RIPOR1: variants seen among roughly 807,000 people sequenced by gnomAD.
RIPOR1 encodes rho family-interacting cell polarization regulator 1.
RIPOR1 carries 58 observed loss-of-function variants against 116.5 expected under a neutral mutation model. That is an observed-to-expected ratio of 0.50 (90% CI 0.40 to 0.62). RIPOR1 has a LOEUF of 0.62. Ranked by LOEUF, RIPOR1 falls within the 20% of genes least tolerant of loss-of-function variation. RIPOR1 has a pLI of 0.00. For synonymous variants in RIPOR1, 605 were observed against 650.0 expected (o/e 0.93, Z 1.05); for missense variants, 1,372 against 1,586.2 (o/e 0.86, Z 2.29).
Position 67,540,228 on chromosome 16 carries a change from GCAGAGGCA to G in RIPOR1, c.567+27_567+34del, listed in dbSNP as rs2050936168. 6.2e-7 allele frequency: 1 copy of G among 1,613,756 alleles called. No individual in the cohort carries two copies. The highest frequency in any genetic ancestry group is 1.1e-5 in the South Asian group (1 of 91,084). ...GAGGTGAGGGATGGGGGCCCATGAG[GCAGAGGCA>G]CAGGGTGTGGCAGGGCTAGTGGCTG... On this transcript the variant is annotated intron_variant, in intron 7 of 21. Coordinates refer to ENST00000042381, the MANE Select transcript of RIPOR1 (RefSeq NM_024519.4). The surrounding 1 kb of genome is among the most constrained non-coding windows in gnomAD (Gnocchi z 4.7).
chr16:67,538,553 A>G lies in RIPOR1; in HGVS notation c.104+3A>G, dbSNP rs2050871341. On this transcript the variant is annotated splice_donor_region_variant and intron_variant, in intron 2 of 21. Coordinates refer to ENST00000042381, the MANE Select transcript of RIPOR1 (RefSeq NM_024519.4). ...GGCAGCCACGAGCGGGGGCCCAGGT[A>G]CGCGGCCGCGCAGGGTTGGTGGGGT... 6.2e-7 allele frequency: 1 copy of G among 1,611,532 alleles called. No individual in the cohort carries two copies. The highest frequency in any genetic ancestry group is 1.1e-5 in the South Asian group (1 of 90,974).
intron 1 of RIPOR1, among the ~76,000 whole-genome samples, chr16:67,536,350 A>G (rs965281409): frequency 1.3e-5 from 2 of 152,116 alleles, no homozygotes; most frequent in Non-Finnish European, 2.9e-5. Flanking sequence ...TGGGAGCCTG[A>G]GGCAGGAGAA....
intron 1 of RIPOR1, among the ~76,000 whole-genome samples, chr16:67,532,207 G>A (rs1329572020): frequency 6.6e-6 from 1 of 152,046 alleles, no homozygotes; most frequent in African/African-American, 2.4e-5. Context: ...CCGTGTGACT[G>A]TTAAAAATAA....
At position 67,541,572 on chromosome 16, in the gene RIPOR1, C is replaced by T. The variant is rs145682432; in HGVS notation, c.944C>T (p.Thr315Ile). Residue 315 changes from threonine (T) to isoleucine (I), a missense_variant, in exon 11 of 22, where the codon ACA (threonine) becomes ATA (isoleucine). Thr to Ile is a moderately conservative substitution (Grantham distance 89, BLOSUM62 -1). Transcript: ENST00000042381. This position sits in a 1 kb window ranked among gnomAD's most constrained non-coding sequence, Gnocchi z 4.6. Reference sequence around the variant, plus strand: ...ACCATCAAGCTCAGCCTGGAAGTCACATGGAGGTTGGTGGGGCTGAGAGGC... The same window carrying T: ...ACCATCAAGCTCAGCCTGGAAGTCATATGGAGGTTGGTGGGGCTGAGAGGC... The part of the protein sequence containing the change: ...LGTIKLSLEV[T>I]WSPFDKDDQP... 2 of 1,614,050 alleles carry T rather than the reference C, an allele frequency of 1.2e-6. No individual in the cohort carries two copies. Among genetic ancestry groups the T allele is most frequent in the Admixed American group, 3.3e-5 (2 of 60,002 alleles).
chr16:67,539,129 A>C, intron 4 of RIPOR1, 61 bp downstream of exon 4: 1 of 1,415,792 alleles, frequency 7.1e-7, no homozygotes, highest in Non-Finnish European at 9.8e-7. Flanking sequence ...GGGCAAGGGC[A>C]GCCCTGGGTG....
In RIPOR1 at chr16:67,546,665, A is replaced by T. The variant is rs371463676; in HGVS notation, c.*202A>T. 3.4e-6 allele frequency: 2 copies of T among 586,138 alleles called. No individual in the cohort carries two copies. The highest frequency in any genetic ancestry group is 2.8e-5 in the East Asian group (1 of 35,140). The allele number at this position is 586,138 out of a possible 1,614,324, so 36.3% of individuals were successfully genotyped here. ...GTGCCTCCCAGCCTCGGCTCAGCAC[A>T]TCCCTTGCCACAAATCAGTGTCTGG... is the stretch of plus-strand genomic sequence containing the variant. On this transcript the variant is annotated 3_prime_UTR_variant, in exon 22 of 22. Transcript: ENST00000042381.
intron 6 of RIPOR1, 45 bp downstream of exon 6, chr16:67,539,944 T>C: frequency 3.7e-6 from 6 of 1,613,670 alleles, no homozygotes; most frequent in South Asian, 1.1e-5. Flanking sequence ...GGGTTGGATA[T>C]CATAGGGAGA....
rs752327236 is a variant in RIPOR1 at position 67,541,911 on chromosome 16, G to A, written c.1125G>A (p.Trp375Ter). The change falls in exon 13 of 22, where the codon TGG becomes TGA. Residue 375 changes from tryptophan (W) to a stop codon, truncating the protein, a stop_gained. Coordinates refer to ENST00000042381, the MANE Select transcript of RIPOR1 (RefSeq NM_024519.4). LOFTEE classifies it high-confidence loss of function. This position sits in a 1 kb window ranked among gnomAD's most constrained non-coding sequence, Gnocchi z 4.6. ...RQEELENGTA[W>*]SLSSESSDDS... Reference sequence around the variant, plus strand: ...AGGAGCTGGAGAATGGGACAGCATGGTCCCTGTCATCTGAATCTTCAGACG... The same window carrying A: ...AGGAGCTGGAGAATGGGACAGCATGATCCCTGTCATCTGAATCTTCAGACG... 6.2e-7 allele frequency: 1 copy of A among 1,611,924 alleles called. No homozygotes were observed. Among genetic ancestry groups the A allele is most frequent in the South Asian group, 1.1e-5 (1 of 91,018 alleles).
At position 67,539,085 on chromosome 16, in the gene RIPOR1, A is replaced by G. The variant is rs756268578; in HGVS notation, c.336+17A>G. Reference sequence around the variant, plus strand: ...TCCCGCTTGGTGAGTGGCGGGAGGTACGGATGCCCTTTGCCTCTTTGGTGT... The same window carrying G: ...TCCCGCTTGGTGAGTGGCGGGAGGTGCGGATGCCCTTTGCCTCTTTGGTGT... On this transcript the variant is annotated intron_variant, in intron 4 of 21. Transcript: ENST00000042381. 1.7e-4 allele frequency: 266 copies of G among 1,607,906 alleles called. No homozygotes were observed. The highest frequency in any genetic ancestry group is 6.2e-4 in the South Asian group (56 of 90,544).
In RIPOR1 at chr16:67,543,138, G is replaced by C; in HGVS notation, c.2352G>C (p.Gly784=). The C allele has an allele frequency of 3.3e-6, 5 of 1,530,268 alleles. No homozygotes were observed. Among genetic ancestry groups the C allele is most frequent in the Non-Finnish European group, 4.4e-6 (5 of 1,140,710 alleles). 94.8% of individuals were successfully genotyped at this position (1,530,268 alleles called of 1,614,324 possible). Residue 784 remains glycine, a synonymous_variant, in exon 13 of 22, where the codon GGG becomes GGC. Coordinates refer to ENST00000042381, the MANE Select transcript of RIPOR1 (RefSeq NM_024519.4). This position sits in a 1 kb window ranked among gnomAD's most constrained non-coding sequence, Gnocchi z 4.7. ...VQTPVPTAAG[G]SGDRSLEEAL... ...CCCCAGTCCCAACGGCAGCCGGAGG[G>C]TCTGGGGACAGGAGCCTGGAGGAGG...
In RIPOR1 at chr16:67,543,926, G is replaced by C. The variant is rs2051081462; in HGVS notation, c.2601-373G>C. 2.8e-6 allele frequency: 1 copy of C among 362,596 alleles called. No individual in the cohort carries two copies. Among genetic ancestry groups the C allele is most frequent in the Non-Finnish European group, 5.1e-6 (1 of 196,016 alleles). 22.5% of individuals were successfully genotyped at this position (362,596 alleles called of 1,614,324 possible). Reference sequence around the variant, plus strand: ...AACTGTCAGTCCTGGAGTGGCCTTTGCTGGTTCCCAGTTGAGAGTTGTGCC... The same window carrying C: ...AACTGTCAGTCCTGGAGTGGCCTTTCCTGGTTCCCAGTTGAGAGTTGTGCC... On this transcript the variant is annotated intron_variant, in intron 14 of 21. Coordinates refer to ENST00000042381, the MANE Select transcript of RIPOR1 (RefSeq NM_024519.4). This position sits in a 1 kb window ranked among gnomAD's most constrained non-coding sequence, Gnocchi z 4.7.
At chr16:67,539,266 C>G in intron 4 of RIPOR1, 198 bp downstream of exon 4, 1 of 573,774 alleles carries the variant, frequency 1.7e-6, no homozygotes, top group Non-Finnish European at 3.1e-6. Context: ...GACTCAGTAC[C>G]TGCTCCAGGA....
rs1234330638 is a variant in RIPOR1 at position 67,542,504 on chromosome 16, C to T, written c.1718C>T (p.Ser573Phe). Residue 573 changes from serine to phenylalanine, a missense_variant, in exon 13 of 22, where the codon TCC (serine) becomes TTC (phenylalanine). Coordinates refer to ENST00000042381, the MANE Select transcript of RIPOR1 (RefSeq NM_024519.4). The surrounding 1 kb of genome is among the most constrained non-coding windows in gnomAD (Gnocchi z 4.6). ...PSPLTHTTTG[S>F]THKPIISTLT... ...CCCCTCACTCACACTACTACAGGCT[C>T]CACCCACAAGCCCATAATCTCTACC... 6.2e-7 allele frequency: 1 copy of T among 1,613,964 alleles called. No homozygotes were observed. The highest frequency in any genetic ancestry group is 1.1e-5 in the South Asian group (1 of 91,084).
At chr16:67,539,996 G>A in intron 6 of RIPOR1, 57 bp from the exon 7 acceptor site, 1 of 1,613,384 alleles carries the variant, frequency 6.2e-7, no homozygotes. Context: ...CCTTAGAGGT[G>A]AGTAACCCCA....
chr16:67,546,128 C>A lies in RIPOR1; in HGVS notation c.3472-13C>A. The A allele has an allele frequency of 6.2e-7, 1 of 1,613,244 alleles. No homozygotes were observed. Among genetic ancestry groups the A allele is most frequent in the African/African-American group, 1.3e-5 (1 of 74,986 alleles). On this transcript the variant is annotated splice_polypyrimidine_tract_variant and intron_variant, in intron 20 of 21. Coordinates refer to ENST00000042381, the MANE Select transcript of RIPOR1 (RefSeq NM_024519.4). Reference sequence around the variant, plus strand: ...CTCCCCTGAGCCCACCTCAATGCTCCCTCCCCTGACAGGCTCCCGAGGGCA... The same window carrying A: ...CTCCCCTGAGCCCACCTCAATGCTCACTCCCCTGACAGGCTCCCGAGGGCA...
rs565790382 is a variant in RIPOR1 at position 67,541,233 on chromosome 16, A to ATT, written c.802-178_802-177dup. On this transcript the variant is annotated intron_variant, in intron 10 of 21. Coordinates refer to ENST00000042381, the MANE Select transcript of RIPOR1 (RefSeq NM_024519.4). This position sits in a 1 kb window ranked among gnomAD's most constrained non-coding sequence, Gnocchi z 4.6. ...GGTGCACCACCATGCCTGGCTAAAA[A>ATT]TTTTTTTTTTTTTTTTTTTTGAGAC... 937 of 404,048 alleles carry ATT rather than the reference A, an allele frequency of 2.3e-3. 1 individual carries two copies. The highest frequency in any genetic ancestry group is 3.9e-3 in the Middle Eastern group (5 of 1,292). 25.0% of individuals were successfully genotyped at this position (404,048 alleles called of 1,614,324 possible).
At position 67,539,755 on chromosome 16, in the gene RIPOR1, A is replaced by G. The variant is rs1234360860; in HGVS notation, c.360+4A>G. The G allele has an allele frequency of 2.5e-6, 4 of 1,614,124 alleles. No individual in the cohort carries two copies. The Admixed American group carries it at 5.0e-5, about 20-fold the overall frequency. The stretch of plus-strand genomic sequence containing the variant: ...CTTCCTGTATGATCTGGACAAGGTG[A>G]GTATGCATGGAATGGTACTGGAAGG... On this transcript the variant is annotated splice_donor_region_variant and intron_variant, in intron 5 of 21. Transcript: ENST00000042381.
rs1427705255 is a variant in RIPOR1 at position 67,540,273 on chromosome 16, C to A, written c.568-27C>A. 6.2e-7 allele frequency: 1 copy of A among 1,613,710 alleles called. No homozygotes were observed. Among genetic ancestry groups the A allele is most frequent in the Non-Finnish European group, 8.5e-7 (1 of 1,179,866 alleles). On this transcript the variant is annotated intron_variant, in intron 7 of 21. Transcript: ENST00000042381. This position sits in a 1 kb window ranked among gnomAD's most constrained non-coding sequence, Gnocchi z 4.7. ...AGGGCTAGTGGCTGGCCCTTGACCCCCTCCTGTCCCTGCCCCTCCCTCCCA... is the reference window on the plus strand; with the variant it reads ...AGGGCTAGTGGCTGGCCCTTGACCCACTCCTGTCCCTGCCCCTCCCTCCCA...
chr16:67,539,726 A>G lies in RIPOR1; in HGVS notation c.337-2A>G. The G allele has an allele frequency of 1.2e-6, 2 of 1,614,084 alleles. No individual in the cohort carries two copies. The highest frequency in any genetic ancestry group is 1.7e-6 in the Non-Finnish European group (2 of 1,179,988). ...ATTTGCCCCTTCTCCCCACCCCTGC[A>G]GGGCTTCCTGTATGATCTGGACAAG... On this transcript the variant is annotated splice_acceptor_variant, in intron 4 of 21. Coordinates refer to ENST00000042381, the MANE Select transcript of RIPOR1 (RefSeq NM_024519.4). LOFTEE classifies it high-confidence loss of function.
Sources: gnomAD v4.1 joint callset for allele counts (sites outside exome capture counted in the v4.1 genomes callset) on GRCh38, gnomAD v4.1.1 for gene constraint, Gnocchi (gnomAD v3.1) non-coding constraint, MANE v1.5 for transcripts, NCBI Gene and HGNC (gene_info 2026-07-23, HGNC 2026-07-21) for gene names.